The following NUTM2B variants were observed in gnomAD, a reference collection of about 807,000 sequenced individuals.
NUTM2B encodes the protein family with sequence similarity 22, member B.
NUTM2B carries 2 observed loss-of-function variants against 42.4 expected under a neutral mutation model. The ratio of observed to expected loss-of-function variants is 0.05; its 90% CI spans 0.02 to 0.15. NUTM2B has a LOEUF of 0.15. Ranked by LOEUF, NUTM2B falls within the 10% of genes least tolerant of loss-of-function variation. The pLI is 1.00. For missense variants in NUTM2B, 58 were observed against 952.6 expected (o/e 0.06, Z 12.36); for synonymous variants, 18 against 402.4 (o/e 0.04, Z 11.43).
the NUTM2B span, among the ~76,000 whole-genome samples, chr10:79,695,369 C>T: frequency 4.6e-5 from 7 of 152,312 alleles, no homozygotes; most frequent in East Asian, 1.3e-3. Context: ...CCTCACTTCA[C>T]CAGAGAAAGA....
At chr10:79,707,649 G>T (rs1372799809) in intron 2 of NUTM2B, among the ~76,000 whole-genome samples, 2 of 111,400 alleles carry the variant, frequency 1.8e-5, no homozygotes, top group African/African-American at 4.4e-5. Flanking sequence ...GTTTCCCGCT[G>T]ATGAGCAAAC....
chr10:79,700,986 C>T (rs535584338), upstream of NUTM2B, among the ~76,000 whole-genome samples: 96 of 152,334 alleles, frequency 6.3e-4, no homozygotes, highest in African/African-American at 2.1e-3. Context: ...TCCTAATTTT[C>T]GGTAATACAA....
upstream of NUTM2B, among the ~76,000 whole-genome samples, chr10:79,699,189 C>A (rs539295861): frequency 1.7e-3 from 258 of 151,852 alleles, 2 homozygotes; most frequent in African/African-American, 6.0e-3. Context: ...CCAAACAGAG[C>A]GTACATCCAC....
At chr10:79,700,795 C>T (rs1455868188), upstream of NUTM2B, among the ~76,000 whole-genome samples, 2 of 152,218 alleles carry the variant, frequency 1.3e-5, no homozygotes, top group African/African-American at 2.4e-5. Flanking sequence ...GAACCTCGCC[C>T]GCCTCAAGGC....
At chr10:79,694,473 G>A in the NUTM2B span, among the ~76,000 whole-genome samples, 6 of 152,068 alleles carry the variant, frequency 3.9e-5, no homozygotes, top group Admixed American at 1.3e-4. Flanking sequence ...CCACTCCAGG[G>A]GCATCCTGAG....
the NUTM2B span, among the ~76,000 whole-genome samples, chr10:79,692,558 G>T: frequency 3.3e-5 from 5 of 152,266 alleles, no homozygotes; most frequent in East Asian, 9.7e-4. Context: ...ATTTCATACA[G>T]GAAGTGACAT....
rs1425349333 is a variant in NUTM2B at position 79,705,612 on chromosome 10, G to A, written c.383-430G>A. ...AAGAGGAGATGGGGCCATAATATTCGGAAGCTTCTGGCTTCCTGTCGGCCT... is the reference window on the plus strand; with the variant it reads ...AAGAGGAGATGGGGCCATAATATTCAGAAGCTTCTGGCTTCCTGTCGGCCT... On this transcript the variant is annotated intron_variant, in intron 1 of 6. Transcript: ENST00000429828. Among the ~76,000 whole-genome samples the A allele has an allele frequency of 5.5e-5, 8 of 146,542 alleles. No homozygotes were observed. The South Asian group carries it at 7.2e-4, about 13-fold the overall frequency.
the NUTM2B span, chr10:79,692,150 T>C: frequency 6.7e-6 from 1 of 148,520 alleles, no homozygotes; most frequent in Non-Finnish European, 1.5e-5. Context: ...CATGCTCCCC[T>C]GGGGCCATCA....
intron 1 of NUTM2B, among the ~76,000 whole-genome samples, chr10:79,704,816 C>T (rs1438934587): frequency 1.4e-5 from 2 of 142,452 alleles, no homozygotes; most frequent in Admixed American, 1.4e-4. Context: ...TTTATACTAC[C>T]TCATGAACGG....
intron 1 of NUTM2B, among the ~76,000 whole-genome samples, chr10:79,704,775 CT>C (rs1318255655): frequency 1.4e-5 from 2 of 142,698 alleles, no homozygotes; most frequent in Non-Finnish European, 3.0e-5. Flanking sequence ...CTTTGTGTTA[CT>C]GTGGAGATGA....
the NUTM2B span, among the ~76,000 whole-genome samples, chr10:79,694,695 C>T: frequency 6.6e-6 from 1 of 152,116 alleles, no homozygotes; most frequent in East Asian, 1.9e-4. Flanking sequence ...GAATGGGGAC[C>T]CAGAACCAGA....
intron 1 of NUTM2B, among the ~76,000 whole-genome samples, chr10:79,705,679 T>A (rs1294254929): frequency 7.1e-6 from 1 of 141,398 alleles, no homozygotes; most frequent in East Asian, 2.4e-4. Flanking sequence ...CCCTCACCTG[T>A]TGCTGAGCAC....
chr10:79,709,673 GAC>G (rs1468421356), intron 3 of NUTM2B, 125 bp from the exon 4 acceptor site: 1 of 1,253,224 alleles, frequency 8.0e-7, no homozygotes, highest in Non-Finnish European at 1.0e-6. Context: ...TGGGGGATGG[GAC>G]ACAGTGAGGG....
the NUTM2B span, among the ~76,000 whole-genome samples, chr10:79,693,940 C>T: frequency 1.7e-3 from 265 of 152,306 alleles, 2 homozygotes; most frequent in African/African-American, 6.2e-3. Flanking sequence ...GGCCAGAAGG[C>T]GACTCCCGGT....
chr10:79,693,349 G>T, the NUTM2B span, among the ~76,000 whole-genome samples: 2 of 152,234 alleles, frequency 1.3e-5, no homozygotes, highest in African/African-American at 4.8e-5. Flanking sequence ...CTGAGATGGG[G>T]ACATATCCTT....
chr10:79,696,602 G>A, the NUTM2B span, among the ~76,000 whole-genome samples: 1 of 152,108 alleles, frequency 6.6e-6, no homozygotes, highest in Non-Finnish European at 1.5e-5. Context: ...GCACAAGGAG[G>A]TCCTGCAGTA....
At chr10:79,697,839 C>A in the NUTM2B span, among the ~76,000 whole-genome samples, 1 of 148,660 alleles carries the variant, frequency 6.7e-6, no homozygotes, top group African/African-American at 2.5e-5. Context: ...ATCCATGATT[C>A]TTGAATCCAA....
At chr10:79,700,476 G>C (rs1169629233), upstream of NUTM2B, among the ~76,000 whole-genome samples, 2 of 152,268 alleles carry the variant, frequency 1.3e-5, no homozygotes, top group South Asian at 2.1e-4. Context: ...GGAAAGGAGC[G>C]CGGCCTGGGC....
chr10:79,692,911 G>A, the NUTM2B span, among the ~76,000 whole-genome samples: 6 of 152,056 alleles, frequency 3.9e-5, no homozygotes, highest in African/African-American at 1.5e-4. Flanking sequence ...CTGCAAGAAG[G>A]ACATAGACCA....
Sources: gnomAD v4.1 joint callset for allele counts (sites outside exome capture counted in the v4.1 genomes callset) on GRCh38, gnomAD v4.1.1 for gene constraint, MANE v1.5 for transcripts, NCBI Gene and HGNC (gene_info 2026-07-23, HGNC 2026-07-21) for gene names.